Variants in NKD2 observed in about 807,000 individuals in gnomAD.
NKD2 encodes the protein NKD inhibitor of Wnt signaling pathway 2, also known as protein naked cuticle homolog 2.
Under a neutral mutation model 34.8 loss-of-function variants are expected in NKD2, and 43 were observed. The observed-to-expected ratio is 1.24, with a 90% CI of 0.97 to 1.60. The LOEUF (loss-of-function observed/expected upper bound fraction) is 1.60, where lower values mean the gene tolerates loss of function less well. Among genes scored for constraint, NKD2 ranks in the 40% most tolerant of loss-of-function variants. NKD2 has a pLI of 0.00. For missense variants in NKD2, 675 were observed against 627.1 expected, an observed-to-expected ratio of 1.08 and a Z score of -0.82; for synonymous variants, 278 against 265.1, an observed-to-expected ratio of 1.05 and a Z score of -0.47.
intron 3 of NKD2, among the ~76,000 whole-genome samples, chr5:1,015,852 C>T (rs77021495): frequency 1.3e-5 from 2 of 152,320 alleles, no homozygotes; most frequent in Non-Finnish European, 2.9e-5. Context: ...CGTGGCCCCT[C>T]TCCTGTTGGA....
chr5:1,026,172 T>A (rs141883144), intron 3 of NKD2, among the ~76,000 whole-genome samples: 2,320 of 17,452 alleles, frequency 0.13, 11 homozygotes, highest in Middle Eastern at 0.3. Context: ...GTCCCAGCCC[T>A]TTGTCCCTGC....
At chr5:1,035,831 C>A (rs11953787) in intron 8 of NKD2, 126,514 of 317,584 alleles carry the variant, frequency 0.4, 29,213 homozygotes, top group Non-Finnish European at 0.46. Context: ...GTGGCTGGGG[C>A]AGTGGTTGGG....
intron 3 of NKD2, among the ~76,000 whole-genome samples, chr5:1,016,375 T>A (rs1419166002): frequency 1.3e-5 from 2 of 152,252 alleles, no homozygotes; most frequent in Non-Finnish European, 2.9e-5. Flanking sequence ...TTCGATCCTG[T>A]CCTGCGCAGA....
At chr5:1,036,613 C>T (rs751097241) in intron 9 of NKD2, among the ~76,000 whole-genome samples, 25 of 151,550 alleles carry the variant, frequency 1.6e-4, no homozygotes, top group East Asian at 3.9e-4. Flanking sequence ...GCAAGGCGGG[C>T]GTCCCGTCCA....
At chr5:1,035,243 T>C (rs2150749657) in intron 7 of NKD2, 146 bp from the exon 8 acceptor site, 1 of 702,768 alleles carries the variant, frequency 1.4e-6, no homozygotes. Context: ...AATGAATGAG[T>C]GAACAAGTGA....
Position 1,038,679 on chromosome 5 carries a change from A to G in NKD2, c.*306A>G, listed in dbSNP as rs1021841358. Reference sequence around the variant, plus strand: ...AACCCATAAAACCTGCTTTGATTCCAAAATGAGGCCCTGGAGTGCGCAAGG... The same window carrying G: ...AACCCATAAAACCTGCTTTGATTCCGAAATGAGGCCCTGGAGTGCGCAAGG... On this transcript the variant is annotated 3_prime_UTR_variant, in exon 10 of 10. Transcript: ENST00000296849. This position sits in a 1 kb window ranked among gnomAD's most constrained non-coding sequence, Gnocchi z 4.5. 1 of 614,536 alleles carries G rather than the reference A, an allele frequency of 1.6e-6. No homozygotes were observed. The highest frequency in any genetic ancestry group is 2.9e-6 in the Non-Finnish European group (1 of 343,988). 38.1% of individuals were successfully genotyped at this position (614,536 alleles called of 1,614,324 possible). A position where few individuals can be genotyped will look rare whatever the true frequency, so the allele number is the denominator to read the frequency against.
rs201046442 is a variant in NKD2 at position 1,034,318 on chromosome 5, G to A, written c.414G>A (p.Lys138=). Residue 138 remains lysine, a synonymous_variant, in exon 6 of 10, where the codon AAG becomes AAA. Coordinates refer to ENST00000296849, the MANE Select transcript of NKD2 (RefSeq NM_033120.4). ...FTLYDFDNCG[K]VTREDMSSLM... Reference sequence around the variant, plus strand: ...TCTATGACTTTGACAACTGCGGGAAGGTCACCAGGGAGGTAGGTGAGCTTG... The same window carrying A: ...TCTATGACTTTGACAACTGCGGGAAAGTCACCAGGGAGGTAGGTGAGCTTG... 1.2e-6 allele frequency: 2 copies of A among 1,612,586 alleles called. No homozygotes were observed. Among genetic ancestry groups the A allele is most frequent in the Non-Finnish European group, 8.5e-7 (1 of 1,179,646 alleles).
At chr5:1,017,372 C>A (rs1196810298) in intron 3 of NKD2, among the ~76,000 whole-genome samples, 1 of 152,254 alleles carries the variant, frequency 6.6e-6, no homozygotes, top group Non-Finnish European at 1.5e-5. Flanking sequence ...CCCTTCAGGG[C>A]AGCCACTCAT....
chr5:1,017,889 T>A (rs1457304920), intron 3 of NKD2, among the ~76,000 whole-genome samples: 1 of 143,648 alleles, frequency 7.0e-6, no homozygotes, highest in Non-Finnish European at 1.5e-5. Flanking sequence ...GGTGCTGGGG[T>A]GTGAGAGAGG....
chr5:1,015,616 GAGCATCAGGA>G (rs1299369447), intron 3 of NKD2, among the ~76,000 whole-genome samples: 3 of 152,204 alleles, frequency 2.0e-5, no homozygotes, highest in African/African-American at 7.2e-5. Context: ...GAAGCCTCAG[GAGCATCAGGA>G]AGCAGGAGGA....
At position 1,037,920 on chromosome 5, in the gene NKD2, G is replaced by A. The variant is rs1734078175; in HGVS notation, c.903G>A (p.Val301=). The change falls in exon 10 of 10, where the codon GTG becomes GTA. Residue 301 remains valine, a synonymous_variant. Coordinates refer to ENST00000296849, the MANE Select transcript of NKD2 (RefSeq NM_033120.4). ...THAVHHRRSQ[V]LVEHVVPASE... ...CCGTACACCACCGCAGGTCACAGGT[G>A]CTGGTGGAACACGTCGTGCCAGCCT... 6.2e-7 allele frequency: 1 copy of A among 1,607,472 alleles called. No homozygotes were observed.
chr5:1,010,043 C>A (rs977348219), intron 3 of NKD2, among the ~76,000 whole-genome samples: 2 of 152,188 alleles, frequency 1.3e-5, no homozygotes, highest in Non-Finnish European at 2.9e-5. Flanking sequence ...CGGTGCCTCC[C>A]ATCTCTGGGA....
rs148649482 is a variant in NKD2 at position 1,013,307 on chromosome 5, A to G, written c.141+3747A>G. On this transcript the variant is annotated intron_variant, in intron 3 of 9. Coordinates refer to ENST00000296849, the MANE Select transcript of NKD2 (RefSeq NM_033120.4). ...GGGGCTTTGTGTCAGAGCCGGCGGC[A>G]GCTGCAGTGTGTCATGGCTGCCCTT... 2.0e-5 allele frequency among the ~76,000 whole-genome samples: 3 copies of G among 152,312 alleles called. No homozygotes were observed. In the South Asian group the frequency reaches 6.2e-4, roughly 32 times the overall value.
chr5:1,015,739 A>G (rs1755924656), intron 3 of NKD2, among the ~76,000 whole-genome samples: 1 of 152,200 alleles, frequency 6.6e-6, no homozygotes, highest in African/African-American at 2.4e-5. Flanking sequence ...AGGACTGCAG[A>G]TCGGCCTGTC....
At chr5:1,035,994 G>A in intron 8 of NKD2, 1 of 622,908 alleles carries the variant, frequency 1.6e-6, no homozygotes, top group Non-Finnish European at 2.4e-6. Flanking sequence ...TGCCACTACA[G>A]CATGAGCCAC....
rs774251041 is a variant in NKD2, at chr5:1,032,211, G to T, written c.201G>T (p.Gln67His). ...GPFREDQCPL[Q>H]VALPAEKAEG... ...TCCGGGAGGACCAGTGTCCCCTACAGGGTGAGTGCAGCTCCCGCAGCCCTC... is the reference window on the plus strand; with the variant it reads ...TCCGGGAGGACCAGTGTCCCCTACATGGTGAGTGCAGCTCCCGCAGCCCTC... The change falls in exon 4 of 10, where the codon CAG becomes CAT. Residue 67 changes from glutamine to histidine, a missense_variant and splice_region_variant. By Grantham distance (24) the Gln-to-His change is conservative. Transcript: ENST00000296849. The T allele has an allele frequency of 4.4e-6, 7 of 1,608,504 alleles. No homozygotes were observed. In the South Asian group the frequency reaches 7.7e-5, roughly 18 times the overall value.
intron 3 of NKD2, among the ~76,000 whole-genome samples, chr5:1,031,280 C>T (rs1038068725): frequency 6.6e-6 from 1 of 152,142 alleles, no homozygotes; most frequent in African/African-American, 2.4e-5. Flanking sequence ...GCTGGGCAGC[C>T]CTGGGGTCCT....
intron 3 of NKD2, among the ~76,000 whole-genome samples, chr5:1,023,259 G>T (rs71213498): frequency 1.5e-4 from 3 of 19,910 alleles, no homozygotes; most frequent in African/African-American, 2.6e-4. Flanking sequence ...GTCCCAGCCC[G>T]TTGTCCCTGC....
chr5:1,020,712 G>A (rs1294184971), intron 3 of NKD2, among the ~76,000 whole-genome samples: 1 of 150,122 alleles, frequency 6.7e-6, no homozygotes, highest in Non-Finnish European at 1.5e-5. Flanking sequence ...TTACGTTGGG[G>A]TTTATTTCAT....
Sources: gnomAD v4.1 joint callset for allele counts (sites outside exome capture counted in the v4.1 genomes callset) on GRCh38, gnomAD v4.1.1 for gene constraint, Gnocchi (gnomAD v3.1) non-coding constraint, MANE v1.5 for transcripts, NCBI Gene and HGNC (gene_info 2026-07-23, HGNC 2026-07-21) for gene names.